CALN1: variants seen among roughly 807,000 people sequenced by gnomAD.
CALN1 encodes the protein calcium-binding protein 8.
A neutral mutation model predicts 30.6 loss-of-function variants in CALN1; 17 were observed. The ratio of observed to expected loss-of-function variants is 0.56; its 90% CI spans 0.38 to 0.83. CALN1 has a LOEUF of 0.83. Among genes scored for constraint, CALN1 ranks in the 40% least tolerant of loss-of-function variants. The pLI is 0.00. For synonymous variants in CALN1, 156 were observed against 131.4 expected, an observed-to-expected ratio of 1.19 and a Z score of -1.28; for missense variants, 291 against 354.9, an observed-to-expected ratio of 0.82 and a Z score of 1.45.
intron 2 of CALN1, among the ~76,000 whole-genome samples, chr7:72,382,406 A>T (rs1804956918): frequency 6.6e-6 from 1 of 152,188 alleles, no homozygotes. Context: ...GTTCCCAAAG[A>T]GTGAGTGACA....
chr7:71,790,388 GAAAGAA>G (rs769610808), intron 6 of CALN1, among the ~76,000 whole-genome samples: 26 of 108,150 alleles, frequency 2.4e-4, no homozygotes, highest in African/African-American at 1.1e-3. Flanking sequence ...AAGAAAGAAA[GAAAGAA>G]AGAAAGAAAG....
intron 5 of CALN1, among the ~76,000 whole-genome samples, chr7:71,980,731 G>A (rs1462842429): frequency 2.0e-5 from 3 of 152,156 alleles, no homozygotes; most frequent in South Asian, 2.1e-4. Context: ...GGCCAAAAAC[G>A]GAACCCAAAT....
At chr7:72,088,732 A>AG (rs1554436632) in intron 4 of CALN1, among the ~76,000 whole-genome samples, 6 of 149,936 alleles carry the variant, frequency 4.0e-5, no homozygotes, top group East Asian at 4.0e-4. Flanking sequence ...AGAAGAAAGA[A>AG]GAAGGAAGGA....
chr7:72,114,267 GGGAAGGGAAGGGAAGGGA>G (rs1807795142), intron 3 of CALN1, among the ~76,000 whole-genome samples: 1 of 74,348 alleles, frequency 1.3e-5, no homozygotes, highest in Non-Finnish European at 2.6e-5. Flanking sequence ...GGGAAGGGAA[GGGAAGGGAAGGGAAGGGA>G]AGGGAAGGGA....
chr7:72,409,131 G>C (rs1239211043), intron 1 of CALN1, among the ~76,000 whole-genome samples: 3 of 151,858 alleles, frequency 2.0e-5, no homozygotes, highest in Non-Finnish European at 2.9e-5. Flanking sequence ...CAGTAGCTGG[G>C]ATTACAGGCG....
intron 2 of CALN1, among the ~76,000 whole-genome samples, chr7:72,345,510 A>G (rs1802600028): frequency 7.6e-6 from 1 of 131,392 alleles, no homozygotes; most frequent in African/African-American, 2.8e-5. Flanking sequence ...AGAGGAAGGG[A>G]GGGAGGAAGG....
chr7:72,105,929 C>T (rs1419690138), intron 4 of CALN1, among the ~76,000 whole-genome samples: 1 of 151,898 alleles, frequency 6.6e-6, no homozygotes, highest in Non-Finnish European at 1.5e-5. Flanking sequence ...ACCAGCCAGG[C>T]CTCTTTCCTC....
chr7:72,153,132 G>A (rs1316730565), intron 3 of CALN1, among the ~76,000 whole-genome samples: 1 of 152,154 alleles, frequency 6.6e-6, no homozygotes, highest in East Asian at 1.9e-4. Context: ...TTCTTGCTTA[G>A]AGACCCAAAT....
chr7:72,437,850 T>C (rs1808222771), intron 1 of CALN1, among the ~76,000 whole-genome samples: 1 of 139,576 alleles, frequency 7.2e-6, no homozygotes, highest in African/African-American at 2.7e-5. Context: ...CATCCTCCCT[T>C]CCTTCCTTCT....
intron 3 of CALN1, among the ~76,000 whole-genome samples, chr7:72,211,767 AC>A (rs1792413954): frequency 6.6e-6 from 1 of 152,152 alleles, no homozygotes; most frequent in Non-Finnish European, 1.5e-5. Flanking sequence ...AGATGAGGTG[AC>A]AGCCGGTGAT....
At chr7:72,054,953 T>C (rs1004996446) in intron 4 of CALN1, among the ~76,000 whole-genome samples, 3 of 151,390 alleles carry the variant, frequency 2.0e-5, no homozygotes, top group East Asian at 1.9e-4. Context: ...GACTGGGAGG[T>C]AAAAGCTGAG....
At chr7:72,276,259 C>CA (rs913418885) in intron 3 of CALN1, among the ~76,000 whole-genome samples, 4 of 152,152 alleles carry the variant, frequency 2.6e-5, no homozygotes, top group African/African-American at 9.7e-5. Context: ...AGCAAACATC[C>CA]ACCCCACATT....
chr7:72,441,027 A>G (rs907133291), intron 1 of CALN1, among the ~76,000 whole-genome samples: 1 of 146,360 alleles, frequency 6.8e-6, no homozygotes, highest in Non-Finnish European at 1.5e-5. Context: ...AATGCTATCC[A>G]AAATGCTTTA....
At chr7:72,264,669 T>C (rs1395666871) in intron 3 of CALN1, among the ~76,000 whole-genome samples, 1 of 152,080 alleles carries the variant, frequency 6.6e-6, no homozygotes, top group African/African-American at 2.4e-5. Context: ...ACCCAGCTGA[T>C]TTTTTGTGGT....
At chr7:71,810,554 C>T in intron 5 of CALN1, 62 bp from the exon 6 acceptor site, 2 of 1,546,176 alleles carry the variant, frequency 1.3e-6, no homozygotes, top group South Asian at 1.2e-5. Context: ...TTGGCTCGGG[C>T]CATGACAGGC....
chr7:71,800,488 G>T (rs771656347), intron 6 of CALN1, among the ~76,000 whole-genome samples: 9 of 152,116 alleles, frequency 5.9e-5, no homozygotes, highest in Non-Finnish European at 8.8e-5. Context: ...CGCTTTACTT[G>T]CCTCTCCCGT....
At chr7:72,013,597 C>A (rs1017519918) in intron 5 of CALN1, among the ~76,000 whole-genome samples, 4 of 151,856 alleles carry the variant, frequency 2.6e-5, no homozygotes, top group African/African-American at 7.3e-5. Context: ...CAGAATAGAC[C>A]GTATAGCCTA....
chr7:71,833,889 C>G (rs978116272), intron 5 of CALN1, among the ~76,000 whole-genome samples: 3 of 151,902 alleles, frequency 2.0e-5, no homozygotes, highest in African/African-American at 7.3e-5. Context: ...GCCTGGGCAG[C>G]AAAGTGAGAT....
intron 5 of CALN1, among the ~76,000 whole-genome samples, chr7:71,979,869 CTTTTTTTTTTTTTT>C (rs555621436): frequency 5.6e-5 from 5 of 89,692 alleles, no homozygotes; most frequent in Admixed American, 1.3e-4. Context: ...CATCAGGATT[CTTTTTTTTTTTTTT>C]TTTTTTTTTT....
Sources: allele counts gnomAD v4.1 joint callset (sites outside exome capture counted in the v4.1 genomes callset), GRCh38; gene constraint gnomAD v4.1.1; transcripts MANE v1.5; gene names NCBI Gene and HGNC (gene_info 2026-07-23, HGNC 2026-07-21).